Variants in WDR19 observed in about 807,000 individuals in gnomAD.
The protein encoded by WDR19 is WD repeat-containing protein 19.
Under a neutral mutation model 180.0 loss-of-function variants are expected in WDR19, and 121 were observed. The observed-to-expected ratio is 0.67, with a 90% CI of 0.58 to 0.78. WDR19 has a LOEUF of 0.78. WDR19 is among the 30% of genes least tolerant of loss of function. The pLI is 0.00. For synonymous variants in WDR19, 497 were observed against 540.7 expected, an observed-to-expected ratio of 0.92 and a Z score of 1.12; for missense variants, 1,450 against 1,640.7, an observed-to-expected ratio of 0.88 and a Z score of 2.01.
rs769702825 is a variant in WDR19 at position 39,277,104 on chromosome 4, T to C, written c.3801T>C (p.Cys1267=). 8 of 1,613,686 alleles carry C rather than the reference T, an allele frequency of 5.0e-6. No individual in the cohort carries two copies. In the South Asian group the frequency reaches 8.8e-5, roughly 18 times the overall value. The part of the protein sequence containing the change: ...KFLLPECELL[C]PGCKNSIPYC... ...TTCTCCCAGAGTGTGAACTCCTCTG[T>C]CCTGGATGTAAAAACAGTATCCCAT... Residue 1267 remains cysteine (C), a synonymous_variant, in exon 34 of 37, where the codon TGT becomes TGC. Transcript: ENST00000399820.
intron 5 of WDR19, among the ~76,000 whole-genome samples, chr4:39,196,074 C>A (rs1726718135): frequency 6.6e-6 from 1 of 152,108 alleles, no homozygotes; most frequent in Admixed American, 6.5e-5. Context: ...AGAAAGATGT[C>A]TTTGGCATCT....
chr4:39,281,236 T>TATATATATATATATAGAGAG (rs762298152), intron 36 of WDR19, among the ~76,000 whole-genome samples: 5 of 104,036 alleles, frequency 4.8e-5, no homozygotes, highest in African/African-American at 1.6e-4. Context: ...TATATATATA[T>TATATATATATATATAGAGAG]AGAGAGAGAG....
intron 3 of WDR19, among the ~76,000 whole-genome samples, chr4:39,188,758 T>G (rs2109247535): frequency 6.6e-6 from 1 of 152,238 alleles, no homozygotes; most frequent in East Asian, 1.9e-4. Context: ...CTTTGCTGCT[T>G]TTCTTTTTTT....
intron 14 of WDR19, among the ~76,000 whole-genome samples, chr4:39,223,534 T>C (rs947693862): frequency 1.3e-5 from 2 of 151,888 alleles, no homozygotes; most frequent in African/African-American, 4.8e-5. Context: ...TTTCACCATG[T>C]TTTAGTAGAG....
intron 35 of WDR19, 127 bp downstream of exon 35, chr4:39,278,334 T>C: frequency 9.9e-7 from 1 of 1,009,658 alleles, no homozygotes; most frequent in Non-Finnish European, 1.5e-6. Flanking sequence ...CAAATTGTCT[T>C]CTGGGAAGAA....
intron 5 of WDR19, among the ~76,000 whole-genome samples, chr4:39,195,379 C>CAAAAAAAAAAAA (rs1560480160): frequency 1.2e-5 from 1 of 81,562 alleles, no homozygotes. Flanking sequence ...AAAAAAAAAA[C>CAAAAAAAAAAAA]AAAAAAACAA....
chr4:39,266,190 T>C lies in WDR19; in HGVS notation c.3261+50T>C. 2.1e-6 allele frequency: 3 copies of C among 1,454,340 alleles called. No homozygotes were observed. The South Asian group carries it at 4.2e-5, about 20-fold the overall frequency. The allele number at this position is 1,454,340 out of a possible 1,614,324, so 90.1% of individuals were successfully genotyped here. On this transcript the variant is annotated intron_variant, in intron 29 of 36. Coordinates refer to ENST00000399820, the MANE Select transcript of WDR19 (RefSeq NM_025132.4). ...GCATCCTCAGGTCTCAGTTACAGTT[T>C]GATTCTGCCTGTTTTTACCCATCAT... is the stretch of plus-strand genomic sequence containing the variant.
chr4:39,205,016 G>A (rs770303764), intron 7 of WDR19, 138 bp from the exon 8 acceptor site: 35 of 601,370 alleles, frequency 5.8e-5, no homozygotes, highest in Admixed American at 9.3e-5. Flanking sequence ...TAGTCATATT[G>A]TACTAGTTAC....
At chr4:39,209,702 ACT>A (rs1328602581) in intron 9 of WDR19, among the ~76,000 whole-genome samples, 2 of 125,224 alleles carry the variant, frequency 1.6e-5, no homozygotes, top group Non-Finnish European at 3.4e-5. Context: ...ACAGAGCGAG[ACT>A]CTGTCTCAAA....
chr4:39,253,134 A>AT lies in WDR19; in HGVS notation c.2730-5dup, dbSNP rs756429071. ...GTGTTAAAAAAAGTTTATCTGAGCTATTTTTTTACAGATACAAAGAAGCTG... is the reference window on the plus strand; with the variant it reads ...GTGTTAAAAAAAGTTTATCTGAGCTATTTTTTTTACAGATACAAAGAAGCTG... On this transcript the variant is annotated splice_polypyrimidine_tract_variant and intron_variant, in intron 24 of 36. Coordinates refer to ENST00000399820, the MANE Select transcript of WDR19 (RefSeq NM_025132.4). The AT allele has an allele frequency of 1.0e-5, 16 of 1,566,434 alleles. No homozygotes were observed. The highest frequency in any genetic ancestry group is 2.8e-5 in the African/African-American group (2 of 72,294).
chr4:39,284,331 A>ATTTTTTTT (rs143848496), intron 36 of WDR19, among the ~76,000 whole-genome samples: 3 of 91,530 alleles, frequency 3.3e-5, no homozygotes, highest in Non-Finnish European at 6.1e-5. Flanking sequence ...AGTAAAAAAA[A>ATTTTTTTT]TTTTTTTTTT....
At chr4:39,187,197 G>T (rs983178344) in intron 3 of WDR19, among the ~76,000 whole-genome samples, 1 of 152,028 alleles carries the variant, frequency 6.6e-6, no homozygotes, top group African/African-American at 2.4e-5. Context: ...GAGGCAGGTG[G>T]ATCATGAGGT....
At chr4:39,235,677 A>T (rs186166122) in intron 20 of WDR19, among the ~76,000 whole-genome samples, 4 of 152,352 alleles carry the variant, frequency 2.6e-5, no homozygotes, top group Non-Finnish European at 5.9e-5. Flanking sequence ...AGCAAAAGAA[A>T]CAATCAACAG....
At chr4:39,228,148 C>A in intron 15 of WDR19, 62 bp from the exon 16 acceptor site, 5 of 1,578,156 alleles carry the variant, frequency 3.2e-6, no homozygotes, top group Non-Finnish European at 4.3e-6. Flanking sequence ...AGGCTTCTAC[C>A]ACGGCAAATG....
At chr4:39,183,421 T>G (rs1012609704) in intron 1 of WDR19, among the ~76,000 whole-genome samples, 1 of 151,928 alleles carries the variant, frequency 6.6e-6, no homozygotes, top group Non-Finnish European at 1.5e-5. Flanking sequence ...AGCTAATTTT[T>G]TGTATTTTTA....
intron 21 of WDR19, among the ~76,000 whole-genome samples, chr4:39,242,739 C>G (rs1484949824): frequency 6.6e-6 from 1 of 152,182 alleles, no homozygotes; most frequent in Non-Finnish European, 1.5e-5. Context: ...GCGATCCTGG[C>G]TCACTGCAAC....
Position 39,279,885 on chromosome 4 carries a change from T to C in WDR19, c.*13+1222T>C, listed in dbSNP as rs58893723. Among the ~76,000 whole-genome samples the C allele has an allele frequency of 6.4e-3, 970 of 152,048 alleles. 8 individuals carry two copies. Among genetic ancestry groups the C allele is most frequent in the African/African-American group, 0.022 (923 of 41,498 alleles). ...GCTCGGCTAACTTTTGTATTTTTAG[T>C]GGAGACGGGGTTTCACCATGTTGGC... is the stretch of plus-strand genomic sequence containing the variant. On this transcript the variant is annotated intron_variant, in intron 36 of 36. Transcript: ENST00000399820.
intron 30 of WDR19, 131 bp from the exon 31 acceptor site, chr4:39,269,845 G>A: frequency 8.3e-7 from 1 of 1,209,192 alleles, no homozygotes; most frequent in South Asian, 1.6e-5. Flanking sequence ...CTGCTGAGTT[G>A]CTTTGAATAA....
intron 7 of WDR19, among the ~76,000 whole-genome samples, chr4:39,203,943 G>T (rs141855757): frequency 1.2e-4 from 19 of 152,216 alleles, no homozygotes; most frequent in African/African-American, 4.3e-4. Context: ...GTTACAATTG[G>T]TATTGCTCTT....
Sources: allele counts gnomAD v4.1 joint callset (sites outside exome capture counted in the v4.1 genomes callset), GRCh38; gene constraint gnomAD v4.1.1; transcripts MANE v1.5; gene names NCBI Gene and HGNC (gene_info 2026-07-23, HGNC 2026-07-21).